WDR7: variants seen among roughly 807,000 people sequenced by gnomAD.
The protein encoded by WDR7 is WD repeat domain 7.
Under a neutral mutation model 169.4 loss-of-function variants are expected in WDR7, and 46 were observed. The observed-to-expected ratio is 0.27, with a 90% CI of 0.21 to 0.35. The LOEUF (loss-of-function observed/expected upper bound fraction) is 0.35. Ranked by LOEUF, WDR7 falls within the 10% of genes least tolerant of loss-of-function variation. The pLI is 1.00. For synonymous variants in WDR7, 612 were observed against 666.8 expected, an observed-to-expected ratio of 0.92 and a Z score of 1.27; for missense variants, 1,534 against 1,859.3, an observed-to-expected ratio of 0.83 and a Z score of 3.22.
chr18:56,734,403 C>T (rs957498842), intron 14 of WDR7, among the ~76,000 whole-genome samples: 2 of 151,888 alleles, frequency 1.3e-5, no homozygotes, highest in African/African-American at 4.8e-5. Context: ...TGTCTTCTAC[C>T]TACATCACAT....
intron 16 of WDR7, among the ~76,000 whole-genome samples, chr18:56,766,969 G>C (rs561740081): frequency 8.8e-4 from 134 of 152,266 alleles, no homozygotes; most frequent in Middle Eastern, 3.4e-3. Flanking sequence ...AATTTTGCCT[G>C]TTTGGGTGCT....
chr18:56,919,855 A>G (rs1243542580), intron 21 of WDR7, among the ~76,000 whole-genome samples: 1 of 152,216 alleles, frequency 6.6e-6, no homozygotes, highest in Non-Finnish European at 1.5e-5. Context: ...CCCTTTTCTA[A>G]TCACATGACA....
At chr18:56,818,723 G>A (rs1255087808) in intron 20 of WDR7, among the ~76,000 whole-genome samples, 1 of 152,120 alleles carries the variant, frequency 6.6e-6, no homozygotes, top group East Asian at 1.9e-4. Flanking sequence ...ATTGCATTAT[G>A]AAAAATATGG....
At chr18:56,987,093 T>C (rs556139009) in intron 26 of WDR7, among the ~76,000 whole-genome samples, 139 of 152,212 alleles carry the variant, frequency 9.1e-4, no homozygotes, top group African/African-American at 3.3e-3. Flanking sequence ...AAGTTTACAA[T>C]AACCATGTTC....
chr18:56,655,365 C>T (rs1372441046), intron 1 of WDR7, among the ~76,000 whole-genome samples: 1 of 152,154 alleles, frequency 6.6e-6, no homozygotes, highest in Non-Finnish European at 1.5e-5. Context: ...TTGACCATGC[C>T]CGTAGTCCCA....
chr18:56,814,518 A>G (rs1599066873), intron 19 of WDR7, among the ~76,000 whole-genome samples: 1 of 152,088 alleles, frequency 6.6e-6, no homozygotes, highest in Non-Finnish European at 1.5e-5. Context: ...TTATTTTTCT[A>G]GTACATCCCC....
intron 21 of WDR7, among the ~76,000 whole-genome samples, chr18:56,913,787 C>A (rs948148617): frequency 6.8e-6 from 1 of 146,918 alleles, no homozygotes; most frequent in Non-Finnish European, 1.5e-5. Context: ...AGAGTGAGAC[C>A]CTGTTTCAAA....
intron 14 of WDR7, among the ~76,000 whole-genome samples, chr18:56,754,346 T>C (rs1242669372): frequency 6.6e-6 from 1 of 151,536 alleles, no homozygotes. Flanking sequence ...TATATATGTG[T>C]GTATATATGT....
intron 3 of WDR7, 72 bp downstream of exon 3, chr18:56,679,510 A>G (rs983931451): frequency 2.1e-5 from 21 of 1,000,426 alleles, no homozygotes; most frequent in Admixed American, 1.1e-4. Context: ...GTAAGTAGCG[A>G]GGTATTTTTT....
At chr18:56,910,807 A>T (rs955527076) in intron 21 of WDR7, among the ~76,000 whole-genome samples, 4 of 152,198 alleles carry the variant, frequency 2.6e-5, no homozygotes, top group Non-Finnish European at 4.4e-5. Context: ...TCGGGAATTC[A>T]TATTATAGTA....
intron 2 of WDR7, among the ~76,000 whole-genome samples, chr18:56,676,855 C>T (rs2025255246): frequency 6.6e-6 from 1 of 151,968 alleles, no homozygotes; most frequent in Non-Finnish European, 1.5e-5. Flanking sequence ...GACTACAGGC[C>T]CATGTCACTG....
At chr18:56,679,588 T>G in intron 3 of WDR7, 150 bp downstream of exon 3, 1 of 481,108 alleles carries the variant, frequency 2.1e-6, no homozygotes. Context: ...ATATTTAAAA[T>G]CTGATTTTAG....
chr18:56,685,705 A>G (rs1451654137), intron 5 of WDR7, among the ~76,000 whole-genome samples: 1 of 152,216 alleles, frequency 6.6e-6, no homozygotes, highest in Non-Finnish European at 1.5e-5. Context: ...GAAATTATTA[A>G]AAACTTCTTG....
At chr18:56,676,397 T>A (rs2025245050) in intron 2 of WDR7, among the ~76,000 whole-genome samples, 1 of 152,236 alleles carries the variant, frequency 6.6e-6, no homozygotes. Context: ...CTCGTTATTA[T>A]TGGTAAGTAA....
intron 26 of WDR7, among the ~76,000 whole-genome samples, chr18:56,977,559 G>A (rs922032823): frequency 1.3e-5 from 2 of 152,192 alleles, no homozygotes; most frequent in Admixed American, 1.3e-4. Context: ...GCAGCTTGTA[G>A]ACAAAGTAGG....
At position 56,665,229 on chromosome 18, in the gene WDR7, G is replaced by A. The variant is rs574759936; in HGVS notation, c.-19-7268G>A. Among the ~76,000 whole-genome samples the A allele has an allele frequency of 5.7e-3, 867 of 151,512 alleles. 4 individuals carry two copies. Among genetic ancestry groups the A allele is most frequent in the Non-Finnish European group, 9.0e-3 (610 of 67,926 alleles). On this transcript the variant is annotated intron_variant, in intron 1 of 27. Coordinates refer to ENST00000254442, the MANE Select transcript of WDR7 (RefSeq NM_015285.3). ...AATCCCTTGAATCTGGGAGGCAGAG[G>A]TTGCAATGAGCCGAGATTGCACCAC...
At chr18:56,968,790 C>T (rs1291191336) in intron 26 of WDR7, among the ~76,000 whole-genome samples, 1 of 152,172 alleles carries the variant, frequency 6.6e-6, no homozygotes, top group Non-Finnish European at 1.5e-5. Flanking sequence ...ATACAACTGA[C>T]TTCCCTCTCT....
intron 7 of WDR7, 147 bp from the exon 8 acceptor site, chr18:56,691,069 G>T: frequency 3.6e-6 from 4 of 1,102,860 alleles, no homozygotes; most frequent in Non-Finnish European, 3.9e-6. Context: ...CCTCTCCCAG[G>T]GCTTATTGAC....
In WDR7 at chr18:56,781,544, C is replaced by T. The variant is rs1019806229; in HGVS notation, c.3078C>T (p.Ala1026=). The T allele has an allele frequency of 2.9e-5, 47 of 1,606,210 alleles. No homozygotes were observed. Among genetic ancestry groups the T allele is most frequent in the East Asian group, 4.5e-5 (2 of 44,304 alleles). ...GTCTGTGGTCTTAGGTGAGAGAAGCCGCGCAGGCCCTGCTTCTGGCGGAAC... is the reference window on the plus strand; with the variant it reads ...GTCTGTGGTCTTAGGTGAGAGAAGCTGCGCAGGCCCTGCTTCTGGCGGAAC... The part of the protein sequence containing the change: ...WQDRCLEVRE[A]AQALLLAELR... Residue 1026 remains alanine (A), a synonymous_variant, in exon 19 of 28, where the codon GCC becomes GCT. Coordinates refer to ENST00000254442, the MANE Select transcript of WDR7 (RefSeq NM_015285.3).
Sources: gnomAD v4.1 joint callset for allele counts (sites outside exome capture counted in the v4.1 genomes callset) on GRCh38, gnomAD v4.1.1 for gene constraint, MANE v1.5 for transcripts, NCBI Gene and HGNC (gene_info 2026-07-23, HGNC 2026-07-21) for gene names.